Variants in NBPF15 observed in about 807,000 individuals in gnomAD.
NBPF15 encodes the protein NBPF member 15.
NBPF15 carries 74 observed loss-of-function variants against 62.2 expected under a neutral mutation model. That is an observed-to-expected ratio of 1.19 (90% CI 0.99 to 1.44). The LOEUF is 1.44. Ranked by LOEUF, NBPF15 falls within the 40% of genes most tolerant of loss-of-function variation. The pLI is 0.00. For synonymous variants in NBPF15, 244 were observed against 209.7 expected, an observed-to-expected ratio of 1.16 and a Z score of -1.41; for missense variants, 790 against 550.0, an observed-to-expected ratio of 1.44 and a Z score of -4.36.
At chr1:144,442,256 T>C (rs1361451840) in intron 6 of NBPF15, among the ~76,000 whole-genome samples, 1 of 113,538 alleles carries the variant, frequency 8.8e-6, no homozygotes, top group Non-Finnish European at 1.8e-5. Flanking sequence ...AATATAGATG[T>C]AGGCCATTAT....
At chr1:144,438,731 C>T (rs1278031221) in intron 8 of NBPF15, among the ~76,000 whole-genome samples, 4 of 151,820 alleles carry the variant, frequency 2.6e-5, no homozygotes, top group African/African-American at 4.8e-5. Flanking sequence ...TTCACTGCAG[C>T]AATTTACAGA....
At chr1:144,445,137 C>T (rs1558613895) in intron 6 of NBPF15, among the ~76,000 whole-genome samples, 1 of 151,294 alleles carries the variant, frequency 6.6e-6, no homozygotes, top group Non-Finnish European at 1.5e-5. Context: ...TTTTCCTATG[C>T]TAACTGACCA....
At chr1:144,432,237 C>A (rs1269400240) in intron 13 of NBPF15, among the ~76,000 whole-genome samples, 6 of 151,792 alleles carry the variant, frequency 4.0e-5, no homozygotes, top group Non-Finnish European at 7.4e-5. Flanking sequence ...AGAAATAAAT[C>A]CTTTACAGAG....
rs782296206 is a variant in NBPF15, at chr1:144,423,110, T to A, written c.1916A>T (p.His639Leu). Residue 639 changes from histidine (H) to leucine (L), a missense_variant, in exon 22 of 22, where the codon CAT becomes CTT. His to Leu is a moderately conservative substitution (Grantham distance 99, BLOSUM62 -3). Transcript: ENST00000581897. The stretch of plus-strand genomic sequence containing the variant: ...GTCCACGTAAAGGGCGAAGCTGATA[T>A]GCTCTTCCTCAAATGAGTAAAACAC... ...RSVFYSFEEE[H>L]ISFALYVDNR... The A allele has an allele frequency of 6.2e-7, 1 of 1,611,648 alleles. No homozygotes were observed. Among genetic ancestry groups the A allele is most frequent in the Admixed American group, 1.7e-5 (1 of 59,990 alleles).
intron 8 of NBPF15, among the ~76,000 whole-genome samples, chr1:144,438,418 C>G (rs1680283485): frequency 6.6e-6 from 1 of 151,958 alleles, no homozygotes; most frequent in African/African-American, 2.4e-5. Context: ...ATTTCTCGTA[C>G]AGTCGGGAAG....
At chr1:144,435,004 C>T (rs1432269907) in intron 12 of NBPF15, 107 bp downstream of exon 12, 4 of 1,598,356 alleles carry the variant, frequency 2.5e-6, no homozygotes, top group Non-Finnish European at 3.4e-6. Flanking sequence ...TTTAGAAACC[C>T]ATCACAGTTT....
At chr1:144,424,461 C>T (rs1341931651) in intron 20 of NBPF15, among the ~76,000 whole-genome samples, 1 of 152,026 alleles carries the variant, frequency 6.6e-6, no homozygotes, top group East Asian at 1.9e-4. Context: ...AGAGTAGAAT[C>T]AGAGTGCCAC....
Position 144,444,525 on chromosome 1 carries a change from C to T in NBPF15, c.-190-4230G>A, listed in dbSNP as rs368740299. ...GATTTAGCAGGAGACAAGATAAGGG[C>T]CCCCAGCACCTAGACCCATTTAGAT... On this transcript the variant is annotated intron_variant, in intron 6 of 21. Coordinates refer to ENST00000581897, the MANE Select transcript of NBPF15 (RefSeq NM_001385408.1). Among the ~76,000 whole-genome samples, 7 of 151,626 alleles carry T rather than the reference C, an allele frequency of 4.6e-5. No homozygotes were observed. The South Asian group carries it at 1.3e-3, about 27-fold the overall frequency.
intron 3 of NBPF15, among the ~76,000 whole-genome samples, chr1:144,458,268 C>T (rs1243592141): frequency 6.6e-6 from 1 of 151,902 alleles, no homozygotes; most frequent in Non-Finnish European, 1.5e-5. Flanking sequence ...ACTGCCTTGA[C>T]AGGAAGATTG....
At chr1:144,439,664 G>T (rs1431346092) in intron 8 of NBPF15, among the ~76,000 whole-genome samples, 165 bp downstream of exon 8, 1 of 151,568 alleles carries the variant, frequency 6.6e-6, no homozygotes, top group Non-Finnish European at 1.5e-5. Context: ...AAATACTTTG[G>T]TACCTCTGTC....
At chr1:144,431,344 A>G (rs1382712542) in intron 13 of NBPF15, among the ~76,000 whole-genome samples, 2 of 149,798 alleles carry the variant, frequency 1.3e-5, no homozygotes, top group Non-Finnish European at 2.9e-5. Context: ...ATTACCCACA[A>G]AGGGAAGCCC....
At chr1:144,459,777 A>G (rs1293558993) in intron 2 of NBPF15, among the ~76,000 whole-genome samples, 1 of 151,862 alleles carries the variant, frequency 6.6e-6, no homozygotes, top group Non-Finnish European at 1.5e-5. Flanking sequence ...CTGATACATT[A>G]CTGCACCCCT....
chr1:144,423,926 CT>C lies in NBPF15; in HGVS notation c.1712del (p.Lys571ArgfsTer25), dbSNP rs1457774395. 1 of 792,736 alleles carries C rather than the reference CT, an allele frequency of 1.3e-6. No homozygotes were observed. Among genetic ancestry groups the C allele is most frequent in the Non-Finnish European group, 2.3e-6 (1 of 443,288 alleles). 49.1% of individuals were successfully genotyped at this position (792,736 alleles called of 1,614,324 possible). A position where few individuals can be genotyped will look rare whatever the true frequency, so the allele number is the denominator to read the frequency against. On this transcript the variant is annotated frameshift_variant, in exon 21 of 22. Transcript: ENST00000581897. LOFTEE classifies it high-confidence loss of function. ...CTTTTCTTCCCCTTCTTCTTTTCTT[CT>C]TTGATCTTCTTCCCCTTCTTTTCTT... The part of the protein sequence containing the change: ...KGKKRRGRRS[K>X]KKRRRGRKEG...
chr1:144,460,986 TC>T (rs1652449105), intron 1 of NBPF15, 25 bp from the exon 2 acceptor site: 1 of 151,030 alleles, frequency 6.6e-6, no homozygotes, highest in Non-Finnish European at 1.5e-5. Context: ...AGGAGCAGAA[TC>T]CCGGAGGCCA....
chr1:144,438,306 G>A (rs1315645761), intron 8 of NBPF15, among the ~76,000 whole-genome samples: 1 of 150,784 alleles, frequency 6.6e-6, no homozygotes, highest in African/African-American at 2.5e-5. Context: ...ACAAAGTGGA[G>A]TCAGAATTCA....
At chr1:144,423,600 T>C (rs782685039) in intron 21 of NBPF15, among the ~76,000 whole-genome samples, 3 of 152,020 alleles carry the variant, frequency 2.0e-5, no homozygotes, top group African/African-American at 4.8e-5. Context: ...GTGAGCTCAA[T>C]AGTTTTCCAT....
chr1:144,441,301 G>T (rs1254980632), intron 6 of NBPF15, among the ~76,000 whole-genome samples: 2 of 151,634 alleles, frequency 1.3e-5, no homozygotes, highest in African/African-American at 4.9e-5. Context: ...AAAGATGTAG[G>T]CCATTTTCAG....
intron 6 of NBPF15, 129 bp from the exon 7 acceptor site, chr1:144,440,424 A>T (rs1423047357): frequency 3.5e-6 from 2 of 577,792 alleles, no homozygotes; most frequent in Non-Finnish European, 6.1e-6. Context: ...ACCAATGGGG[A>T]TCATTCCTTC....
rs542273050 is a variant in NBPF15 at position 144,422,787 on chromosome 1, G to A, written c.*226C>T. 4.2e-5 allele frequency: 46 copies of A among 1,096,254 alleles called. No individual in the cohort carries two copies. Among genetic ancestry groups the A allele is most frequent in the African/African-American group, 9.8e-5 (6 of 61,038 alleles). The allele number at this position is 1,096,254 out of a possible 1,614,324, so 67.9% of individuals were successfully genotyped here. A position where few individuals can be genotyped will look rare whatever the true frequency, so the allele number is the denominator to read the frequency against. ...TTAAAATGTCTGACTGATCACTCCCGGCATGTTCTGCACAGTTATGTGAAC... is the reference window on the plus strand; with the variant it reads ...TTAAAATGTCTGACTGATCACTCCCAGCATGTTCTGCACAGTTATGTGAAC... On this transcript the variant is annotated 3_prime_UTR_variant, in exon 22 of 22. Coordinates refer to ENST00000581897, the MANE Select transcript of NBPF15 (RefSeq NM_001385408.1).
Sources: allele counts gnomAD v4.1 joint callset (sites outside exome capture counted in the v4.1 genomes callset), GRCh38; gene constraint gnomAD v4.1.1; transcripts MANE v1.5; gene names NCBI Gene and HGNC (gene_info 2026-07-23, HGNC 2026-07-21).